Variants in COL7A1 observed in about 807,000 individuals in gnomAD.
The protein encoded by COL7A1 is collagen type VII alpha 1 chain, also known as collagen alpha-1(VII) chain.
COL7A1 carries 296 observed loss-of-function variants against 456.2 expected under a neutral mutation model. The observed-to-expected ratio is 0.65, with a 90% CI of 0.59 to 0.71. The LOEUF is 0.71. Among genes scored for constraint, COL7A1 ranks in the 30% least tolerant of loss-of-function variants. The probability of loss-of-function intolerance (pLI) is 0.00; values close to 1 mark genes in which losing one functional copy is unlikely to be tolerated. For synonymous variants in COL7A1, 1,464 were observed against 1,525.9 expected, an observed-to-expected ratio of 0.96 and a Z score of 0.95; for missense variants, 3,441 against 4,017.2, an observed-to-expected ratio of 0.86 and a Z score of 3.88.
In COL7A1 at chr3:48,578,618, G is replaced by T. The variant is rs2044494137; in HGVS notation, c.5425-103C>A. 2 of 1,319,950 alleles carry T rather than the reference G, an allele frequency of 1.5e-6. No individual in the cohort carries two copies. Among genetic ancestry groups the T allele is most frequent in the Admixed American group, 3.8e-5 (2 of 52,514 alleles). The allele number at this position is 1,319,950 out of a possible 1,614,324, so 81.8% of individuals were successfully genotyped here. ...CAAAAAGATCTCCCTCCAGGGTAGA[G>T]ACCCCCAGGACTGAGAGGTCCCATT... On this transcript the variant is annotated intron_variant, in intron 63 of 118. Transcript: ENST00000681320. This position sits in a 1 kb window ranked among gnomAD's most constrained non-coding sequence, Gnocchi z 4.7.
In COL7A1 at chr3:48,570,166, G is replaced by C; in HGVS notation, c.7453C>G (p.Arg2485Gly). 1 of 1,614,164 alleles carries C rather than the reference G, an allele frequency of 6.2e-7. No individual in the cohort carries two copies. The change falls in exon 99 of 119, where the codon CGC (arginine) becomes GGC (glycine). Residue 2485 changes from arginine to glycine, a missense_variant. This residue lies in a region of COL7A1 where 2,084 missense variants were observed against 2,501.3 expected (regional missense o/e 0.83). Coordinates refer to ENST00000681320, the MANE Select transcript of COL7A1 (RefSeq NM_000094.4). This position sits in a 1 kb window ranked among gnomAD's most constrained non-coding sequence, Gnocchi z 5.5. ...GEPGIRGEDGRPGQEGPRGLT... is the reference protein window; with the variant it reads ...GEPGIRGEDGGPGQEGPRGLT... ...CCTCGGGGTCCCTCCTGGCCGGGGC[G>C]GCCATCTTCACCCTGGATGGTGACA... is the stretch of plus-strand genomic sequence containing the variant.
chr3:48,584,028 CACTT>C lies in COL7A1; in HGVS notation c.4224+3_4224+6del, dbSNP rs778442431. On this transcript the variant is annotated splice_donor_5th_base_variant and intron_variant, in intron 38 of 118. Transcript: ENST00000681320. ...GCCACCCCTAGCACAACCTGTCCCTCACTTACCCGCTCCCCACGATCGCCTTTGT... is the reference window on the plus strand; with the variant it reads ...GCCACCCCTAGCACAACCTGTCCCTCACCCGCTCCCCACGATCGCCTTTGT... 1.1e-5 allele frequency: 18 copies of C among 1,613,962 alleles called. No individual in the cohort carries two copies. Among genetic ancestry groups the C allele is most frequent in the Non-Finnish European group, 1.4e-5 (16 of 1,180,018 alleles).
chr3:48,586,425 G>A lies in COL7A1; in HGVS notation c.3457C>T (p.Arg1153Cys), dbSNP rs375583602. Residue 1153 changes from arginine (R) to cysteine (C), a missense_variant, in exon 27 of 119, where the codon CGC becomes TGC. Arg to Cys is a radical substitution (Grantham distance 180). Transcript: ENST00000681320. The surrounding 1 kb of genome is among the most constrained non-coding windows in gnomAD (Gnocchi z 5.1). Reference sequence around the variant, plus strand: ...ATCACCCCTGGTACGTGCTGGCGGCGCCCAGGAGCATCTGGTGCCAACATG... The same window carrying A: ...ATCACCCCTGGTACGTGCTGGCGGCACCCAGGAGCATCTGGTGCCAACATG... ...RYMLAPDAPG[R>C]RQHVPGVMVL... 8.7e-6 allele frequency: 14 copies of A among 1,613,714 alleles called. No homozygotes were observed. Among genetic ancestry groups the A allele is most frequent in the South Asian group, 7.7e-5 (7 of 91,092 alleles).
In COL7A1 at chr3:48,585,685, C is replaced by G; in HGVS notation, c.3831+5G>C. On this transcript the variant is annotated splice_donor_5th_base_variant and intron_variant, in intron 31 of 118. Coordinates refer to ENST00000681320, the MANE Select transcript of COL7A1 (RefSeq NM_000094.4). This position sits in a 1 kb window ranked among gnomAD's most constrained non-coding sequence, Gnocchi z 4.5. ...GGTGCAGGGACAGATGTGGGGGACA[C>G]TCACCGGGAGGCCAGGGTCGCCAGG... 1 of 1,614,062 alleles carries G rather than the reference C, an allele frequency of 6.2e-7. No homozygotes were observed. The highest frequency in any genetic ancestry group is 8.5e-7 in the Non-Finnish European group (1 of 1,180,002).
rs1436548758 is a variant in COL7A1 at position 48,592,031 on chromosome 3, G to A, written c.1241-17C>T. ...CAGAAGCGTCTGCCCAGGGCACATG[G>A]GATGTCAGTGGCCTCCGGGCCTTGC... On this transcript the variant is annotated splice_polypyrimidine_tract_variant and intron_variant, in intron 10 of 118. Coordinates refer to ENST00000681320, the MANE Select transcript of COL7A1 (RefSeq NM_000094.4). The surrounding 1 kb of genome is among the most constrained non-coding windows in gnomAD (Gnocchi z 7.6). The A allele has an allele frequency of 3.1e-6, 5 of 1,614,164 alleles. No homozygotes were observed. Among genetic ancestry groups the A allele is most frequent in the Non-Finnish European group, 4.2e-6 (5 of 1,180,020 alleles).
In COL7A1 at chr3:48,590,161, G is replaced by T. The variant is rs1039871376; in HGVS notation, c.2050+52C>A. 3.1e-6 allele frequency: 5 copies of T among 1,596,640 alleles called. No individual in the cohort carries two copies. Among genetic ancestry groups the T allele is most frequent in the African/African-American group, 2.7e-5 (2 of 74,624 alleles). On this transcript the variant is annotated intron_variant, in intron 16 of 118. Coordinates refer to ENST00000681320, the MANE Select transcript of COL7A1 (RefSeq NM_000094.4). The surrounding 1 kb of genome is among the most constrained non-coding windows in gnomAD (Gnocchi z 4.6). ...AGGGTCTGCAAGGGAAGGCATGGGGGTCTGAAAGAGCAATGGAGGCAGAGA... is the reference window on the plus strand; with the variant it reads ...AGGGTCTGCAAGGGAAGGCATGGGGTTCTGAAAGAGCAATGGAGGCAGAGA...
Position 48,587,141 on chromosome 3 carries a change from C to A in COL7A1, c.3140-33G>T, listed in dbSNP as rs2045327905. 1.9e-6 allele frequency: 3 copies of A among 1,613,346 alleles called. No individual in the cohort carries two copies. Among genetic ancestry groups the A allele is most frequent in the Middle Eastern group, 3.3e-4 (2 of 6,084 alleles). On this transcript the variant is annotated intron_variant, in intron 24 of 118. Transcript: ENST00000681320. The surrounding 1 kb of genome is among the most constrained non-coding windows in gnomAD (Gnocchi z 6.1). ...AAGGGGAACAAGTTACTGAAGCGGG[C>A]AGCCCACCCAGACACACCTTTCTGC...
In COL7A1 at chr3:48,588,980, C is replaced by T; in HGVS notation, c.2330G>A (p.Gly777Asp). ...VVVRTAPEPVGRVSRLQILNA... is the reference protein window; with the variant it reads ...VVVRTAPEPVDRVSRLQILNA... ...GAGGATCTGCAGCCTCGACACACGA[C>T]CCACAGGCTCAGGGGCTGGGGACAG... Residue 777 changes from glycine to aspartate, a missense_variant, in exon 19 of 119, where the codon GGT becomes GAT. Physicochemically the swap from Gly to Asp is moderately conservative, Grantham distance 94. Around this residue, in one of 3 missense-constraint regions of COL7A1, gnomAD observed 913 missense variants for 1,088.2 expected, o/e 0.84. Transcript: ENST00000681320. This position sits in a 1 kb window ranked among gnomAD's most constrained non-coding sequence, Gnocchi z 4.6. 4 of 1,613,506 alleles carry T rather than the reference C, an allele frequency of 2.5e-6. No homozygotes were observed. The highest frequency in any genetic ancestry group is 3.4e-6 in the Non-Finnish European group (4 of 1,180,038).
rs1272693226 is a variant in COL7A1 at position 48,572,659 on chromosome 3, G to A, written c.6900+12C>T. 2 of 1,603,906 alleles carry A rather than the reference G, an allele frequency of 1.2e-6. No homozygotes were observed. Among genetic ancestry groups the A allele is most frequent in the East Asian group, 2.3e-5 (1 of 44,348 alleles). ...GTTGCTGCAGGGGGTGGAAGTCAGG[G>A]TCAAAGATCACCTGTCCAGGGGCCC... is the stretch of plus-strand genomic sequence containing the variant. On this transcript the variant is annotated intron_variant, in intron 88 of 118. Coordinates refer to ENST00000681320, the MANE Select transcript of COL7A1 (RefSeq NM_000094.4). The surrounding 1 kb of genome is among the most constrained non-coding windows in gnomAD (Gnocchi z 4.6).
chr3:48,581,443 C>T lies in COL7A1; in HGVS notation c.4818+5G>A. The T allele has an allele frequency of 6.2e-7, 1 of 1,614,032 alleles. No individual in the cohort carries two copies. Among genetic ancestry groups the T allele is most frequent in the Non-Finnish European group, 8.5e-7 (1 of 1,180,020 alleles). On this transcript the variant is annotated splice_donor_5th_base_variant and intron_variant, in intron 51 of 118. Coordinates refer to ENST00000681320, the MANE Select transcript of COL7A1 (RefSeq NM_000094.4). The surrounding 1 kb of genome is among the most constrained non-coding windows in gnomAD (Gnocchi z 5.8). ...TTGAGGTTGCCCAGGGTAACGGGTA[C>T]TCACTGGGGGTCCTGCTCTGCCAGT... is the stretch of plus-strand genomic sequence containing the variant.
At position 48,586,375 on chromosome 3, in the gene COL7A1, C is replaced by T; in HGVS notation, c.3507G>A (p.Leu1169=). 1.2e-6 allele frequency: 2 copies of T among 1,613,864 alleles called. No individual in the cohort carries two copies. The highest frequency in any genetic ancestry group is 8.5e-7 in the Non-Finnish European group (1 of 1,179,962). The change falls in exon 27 of 119, where the codon TTG becomes TTA. Residue 1169 remains leucine, a synonymous_variant. Coordinates refer to ENST00000681320, the MANE Select transcript of COL7A1 (RefSeq NM_000094.4). This position sits in a 1 kb window ranked among gnomAD's most constrained non-coding sequence, Gnocchi z 5.1. ...GGATGGGGCTGAATATGTCACCTCT[C>T]AAGGGTTCATCCACTAGCAGAACCA... The part of the protein sequence containing the change: ...GVMVLLVDEP[L]RGDIFSPIRE...
Position 48,566,595 on chromosome 3 carries a change from C to G in COL7A1, c.8305-32G>C. The G allele has an allele frequency of 6.2e-7, 1 of 1,614,192 alleles. No homozygotes were observed. Among genetic ancestry groups the G allele is most frequent in the Admixed American group, 1.7e-5 (1 of 60,028 alleles). The stretch of plus-strand genomic sequence containing the variant: ...GCAACAGATGGGACCAGGCTGTGAC[C>G]TCTGACCTCAGGGACAACAGAAGTC... On this transcript the variant is annotated intron_variant, in intron 112 of 118. Coordinates refer to ENST00000681320, the MANE Select transcript of COL7A1 (RefSeq NM_000094.4). This position sits in a 1 kb window ranked among gnomAD's most constrained non-coding sequence, Gnocchi z 5.9.
At position 48,581,383 on chromosome 3, in the gene COL7A1, C is replaced by G; in HGVS notation, c.4819-43G>C. 8 of 1,613,714 alleles carry G rather than the reference C, an allele frequency of 5.0e-6. No homozygotes were observed. Among genetic ancestry groups the G allele is most frequent in the Non-Finnish European group, 6.8e-6 (8 of 1,179,926 alleles). The stretch of plus-strand genomic sequence containing the variant: ...GGGAGGTGATGCAGGACGCTCGAAG[C>G]AAGCAGTTCTCAAGGGGAGGGGACC... On this transcript the variant is annotated intron_variant, in intron 51 of 118. Transcript: ENST00000681320. The surrounding 1 kb of genome is among the most constrained non-coding windows in gnomAD (Gnocchi z 5.8).
In COL7A1 at chr3:48,591,585, C is replaced by T; in HGVS notation, c.1515G>A (p.Glu505=). 1 of 1,613,648 alleles carries T rather than the reference C, an allele frequency of 6.2e-7. No homozygotes were observed. The highest frequency in any genetic ancestry group is 8.5e-7 in the Non-Finnish European group (1 of 1,180,000). ...GGTCTGTTACAGGGCTCACAGGCAG[C>T]TCTGGTCCTGTTGGAGAGCACAGCA... The part of the protein sequence containing the change: ...TPATVVPTGP[E]LPVSPVTDLQ... The change falls in exon 13 of 119, where the codon GAG becomes GAA. Residue 505 remains glutamate, a synonymous_variant. Transcript: ENST00000681320. The surrounding 1 kb of genome is among the most constrained non-coding windows in gnomAD (Gnocchi z 7.0).
chr3:48,589,306 A>C (rs776084569), intron 18 of COL7A1, 21 bp downstream of exon 18: 10 of 1,611,668 alleles, frequency 6.2e-6, no homozygotes, highest in Non-Finnish European at 7.6e-6. Flanking sequence ...TGTGGCTAGT[A>C]GCTGGCCAGG....
chr3:48,567,032 A>G lies in COL7A1; in HGVS notation c.8110-9T>C. ...CCAATTCCTGGGGTTCCCTGGGGAG[A>G]TATAGGACAGAGTCAGTAATCAGAG... On this transcript the variant is annotated splice_polypyrimidine_tract_variant and intron_variant, in intron 110 of 118. Transcript: ENST00000681320. The surrounding 1 kb of genome is among the most constrained non-coding windows in gnomAD (Gnocchi z 4.3). 2 of 1,613,574 alleles carry G rather than the reference A, an allele frequency of 1.2e-6. No homozygotes were observed. The highest frequency in any genetic ancestry group is 1.7e-6 in the Non-Finnish European group (2 of 1,179,734).
intron 2 of COL7A1, 69 bp downstream of exon 2, chr3:48,595,006 G>A: frequency 7.6e-7 from 1 of 1,313,000 alleles, no homozygotes. Flanking sequence ...TGTTGGGGAT[G>A]AAGGCCGAGT....
Position 48,579,894 on chromosome 3 carries a change from G to T in COL7A1, c.5125-80C>A. The T allele has an allele frequency of 6.2e-7, 1 of 1,609,196 alleles. No individual in the cohort carries two copies. Among genetic ancestry groups the T allele is most frequent in the Non-Finnish European group, 8.5e-7 (1 of 1,175,640 alleles). The stretch of plus-strand genomic sequence containing the variant: ...GCGAGGGGATACAGGGTCTGTGAGG[G>T]GCTCCAGGGATCCGCGGAGGTTTCA... On this transcript the variant is annotated intron_variant, in intron 57 of 118. Transcript: ENST00000681320. The surrounding 1 kb of genome is among the most constrained non-coding windows in gnomAD (Gnocchi z 4.4).
chr3:48,580,482 A>C lies in COL7A1; in HGVS notation c.5052+99T>G, dbSNP rs2107705790. 6.7e-7 allele frequency: 1 copy of C among 1,489,764 alleles called. No individual in the cohort carries two copies. Among genetic ancestry groups the C allele is most frequent in the Middle Eastern group, 1.7e-4 (1 of 5,836 alleles). The allele number at this position is 1,489,764 out of a possible 1,614,324, so 92.3% of individuals were successfully genotyped here. On this transcript the variant is annotated intron_variant, in intron 55 of 118. Coordinates refer to ENST00000681320, the MANE Select transcript of COL7A1 (RefSeq NM_000094.4). This position sits in a 1 kb window ranked among gnomAD's most constrained non-coding sequence, Gnocchi z 4.5. Reference sequence around the variant, plus strand: ...GGGGTCAAAGGAAGTGAAGATTGGGAGGGTTTAGCATTACAGGGTTGGGGG... The same window carrying C: ...GGGGTCAAAGGAAGTGAAGATTGGGCGGGTTTAGCATTACAGGGTTGGGGG...
Sources: allele counts gnomAD v4.1 joint callset, GRCh38; gene constraint gnomAD v4.1.1; regional missense constraint gnomAD v4.1.1; non-coding constraint Gnocchi (gnomAD v3.1); transcripts MANE v1.5; gene names NCBI Gene and HGNC (gene_info 2026-07-23, HGNC 2026-07-21).